TTC34: variants seen among roughly 807,000 people sequenced by gnomAD.
TTC34 encodes tetratricopeptide repeat protein 34.
Under a neutral mutation model 40.7 loss-of-function variants are expected in TTC34, and 44 were observed. The ratio of observed to expected loss-of-function variants is 1.08; its 90% CI spans 0.85 to 1.39. The LOEUF (loss-of-function observed/expected upper bound fraction) is 1.39. TTC34 is among the 40% of genes most tolerant of loss of function. The pLI is 0.00. For synonymous variants in TTC34, 422 were observed against 398.6 expected (o/e 1.06, Z -0.70); for missense variants, 884 against 838.0 (o/e 1.05, Z -0.68).
chr1:2,699,238 G>T (rs1364774484), intron 6 of TTC34, among the ~76,000 whole-genome samples: 3 of 145,486 alleles, frequency 2.1e-5, no homozygotes, highest in Non-Finnish European at 4.5e-5. Flanking sequence ...ACCGCCCGGA[G>T]CAGCACCCAT....
chr1:2,685,885 G>A (rs1640314895), intron 6 of TTC34, among the ~76,000 whole-genome samples: 2 of 150,592 alleles, frequency 1.3e-5, no homozygotes, highest in South Asian at 2.1e-4. Flanking sequence ...TGCACCCCCA[G>A]GTGAGCATCT....
intron 6 of TTC34, among the ~76,000 whole-genome samples, chr1:2,757,130 TGGAACAGCACCCTG>T (rs1641533683): frequency 8.3e-6 from 1 of 120,476 alleles, no homozygotes; most frequent in Non-Finnish European, 1.6e-5. Flanking sequence ...TCTGACAGCC[TGGAACAGCACCCTG>T]CACCCCCAGG....
At chr1:2,749,482 A>AC in intron 6 of TTC34, among the ~76,000 whole-genome samples, 1 of 98,382 alleles carries the variant, frequency 1.0e-5, no homozygotes, top group East Asian at 3.2e-4. Context: ...CAGCACCCAC[A>AC]TCCCCAGGTG....
intron 5 of TTC34, among the ~76,000 whole-genome samples, chr1:2,784,884 C>G (rs1278124772): frequency 6.6e-6 from 1 of 152,188 alleles, no homozygotes; most frequent in African/African-American, 2.4e-5. Context: ...GCCCACAACC[C>G]CTCGCCAAAG....
intron 6 of TTC34, among the ~76,000 whole-genome samples, chr1:2,686,185 G>A (rs1640335322): frequency 1.4e-5 from 2 of 143,366 alleles, no homozygotes; most frequent in East Asian, 2.1e-4. Flanking sequence ...CGGAGAGTCT[G>A]GAGCAGCGCC....
chr1:2,767,690 G>T (rs1569739768), intron 6 of TTC34, among the ~76,000 whole-genome samples: 1 of 129,226 alleles, frequency 7.7e-6, no homozygotes, highest in South Asian at 3.0e-4. Context: ...TCCAACCCCA[G>T]GTGAGGATCT....
rs1641369818 is a variant in TTC34, at chr1:2,752,847, A to G, written c.2226+30762T>C. Among the ~76,000 whole-genome samples, 3 of 147,592 alleles carry G rather than the reference A, an allele frequency of 2.0e-5. 1 individual carries two copies. The highest frequency in any genetic ancestry group is 7.7e-5 in the African/African-American group (3 of 39,144). The stretch of plus-strand genomic sequence containing the variant: ...TGCGCACCTGACAGACTGGAACAGC[A>G]CCCACACACCCAGGCGAGCATCTGA... On this transcript the variant is annotated intron_variant, in intron 6 of 8. Coordinates refer to ENST00000401095, the Ensembl canonical transcript of TTC34.
At chr1:2,749,438 C>CCT (rs1641245071) in intron 6 of TTC34, among the ~76,000 whole-genome samples, 15 of 142,238 alleles carry the variant, frequency 1.1e-4, no homozygotes, top group Admixed American at 2.2e-4. Flanking sequence ...GGAACAGCAC[C>CCT]GACACCCCCA....
chr1:2,645,710 C>G lies in TTC34; in HGVS notation c.2227-147G>C, dbSNP rs1639009048. 2.6e-6 allele frequency: 2 copies of G among 764,598 alleles called. No homozygotes were observed. Among genetic ancestry groups the G allele is most frequent in the Admixed American group, 8.0e-5 (2 of 24,996 alleles). The allele number at this position is 764,598 out of a possible 1,614,324, so 47.4% of individuals were successfully genotyped here. ...AGGGTCTGAACACCCAGCTTCCTGC[C>G]CCTTCCTGCTTCTCTGTGGCTGCAG... is the stretch of plus-strand genomic sequence containing the variant. On this transcript the variant is annotated intron_variant, in intron 6 of 8. Coordinates refer to ENST00000401095, the Ensembl canonical transcript of TTC34. This position sits in a 1 kb window ranked among gnomAD's most constrained non-coding sequence, Gnocchi z 4.7.
At chr1:2,647,046 C>G (rs1639032304) in intron 6 of TTC34, among the ~76,000 whole-genome samples, 1 of 152,256 alleles carries the variant, frequency 6.6e-6, no homozygotes, top group Admixed American at 6.5e-5. Flanking sequence ...TGTTGTATGT[C>G]ATTTGTTCAC....
chr1:2,757,776 G>A (rs1256562738), intron 6 of TTC34, among the ~76,000 whole-genome samples: 7 of 146,860 alleles, frequency 4.8e-5, no homozygotes, highest in East Asian at 1.9e-4. Flanking sequence ...CTGAACCCAC[G>A]GAGCAGCACC....
At chr1:2,648,044 C>G (rs1308514282) in intron 6 of TTC34, among the ~76,000 whole-genome samples, 1 of 151,778 alleles carries the variant, frequency 6.6e-6, no homozygotes, top group African/African-American at 2.4e-5. Context: ...GATTCTCCAT[C>G]AAGCTCACTC....
At chr1:2,649,789 C>T (rs1281761773) in intron 6 of TTC34, among the ~76,000 whole-genome samples, 1 of 152,152 alleles carries the variant, frequency 6.6e-6, no homozygotes, top group Non-Finnish European at 1.5e-5. Context: ...GCTGGGATTA[C>T]AAGCACGAGT....
At chr1:2,750,488 C>T (rs1204656863) in intron 6 of TTC34, among the ~76,000 whole-genome samples, 6 of 116,476 alleles carry the variant, frequency 5.2e-5, no homozygotes, top group South Asian at 3.1e-4. Context: ...CCCACACCCC[C>T]AGTTGAGCAT....
At chr1:2,693,494 G>GC (rs1640721692) in intron 6 of TTC34, among the ~76,000 whole-genome samples, 1 of 59,390 alleles carries the variant, frequency 1.7e-5, no homozygotes, top group African/African-American at 6.2e-5. Context: ...ACAGCCTGGA[G>GC]AAGCACCCAC....
chr1:2,759,250 C>T (rs1385301129), intron 6 of TTC34, among the ~76,000 whole-genome samples: 3 of 30,190 alleles, frequency 9.9e-5, no homozygotes, highest in East Asian at 1.8e-3. Flanking sequence ...CCGGTGCGCA[C>T]GTGACAGCCT....
intron 6 of TTC34, among the ~76,000 whole-genome samples, chr1:2,686,622 G>A (rs1234256085): frequency 3.3e-5 from 5 of 151,010 alleles, no homozygotes; most frequent in African/African-American, 7.4e-5. Context: ...GCATCTGACA[G>A]CATGTAACAG....
intron 2 of TTC34, among the ~76,000 whole-genome samples, chr1:2,792,033 T>TTTTTTTTTTTTTTTTTTTTG (rs1553171534): frequency 9.3e-6 from 1 of 107,104 alleles, no homozygotes; most frequent in Non-Finnish European, 1.8e-5. Flanking sequence ...TTTTTTTTTT[T>TTTTTTTTTTTTTTTTTTTTG]AAAGACAGGG....
intron 6 of TTC34, among the ~76,000 whole-genome samples, chr1:2,753,279 G>T (rs1435918969): frequency 9.5e-6 from 1 of 105,296 alleles, no homozygotes; most frequent in African/African-American, 4.4e-5. Flanking sequence ...CTGACAGCCT[G>T]GAACAGCACC....
Sources: allele counts gnomAD v4.1 joint callset (sites outside exome capture counted in the v4.1 genomes callset), GRCh38; gene constraint gnomAD v4.1.1; non-coding constraint Gnocchi (gnomAD v3.1); transcripts MANE v1.5; gene names NCBI Gene and HGNC (gene_info 2026-07-23, HGNC 2026-07-21).